Variants in GATAD2B observed in about 807,000 individuals in gnomAD.
GATAD2B encodes the protein transcriptional repressor p66-beta.
A neutral mutation model predicts 64.3 loss-of-function variants in GATAD2B; 8 were observed. That is an observed-to-expected ratio of 0.12 (90% CI 0.07 to 0.22). The LOEUF (loss-of-function observed/expected upper bound fraction) is 0.22, where lower values mean the gene tolerates loss of function less well. GATAD2B is among the 10% of genes least tolerant of loss of function. GATAD2B has a pLI of 1.00. For missense variants in GATAD2B, 453 were observed against 752.0 expected (o/e 0.60, Z 4.65); for synonymous variants, 281 against 271.3 (o/e 1.04, Z -0.35).
chr1:153,885,157 C>T (rs1003435872), intron 1 of GATAD2B, among the ~76,000 whole-genome samples: 2 of 152,056 alleles, frequency 1.3e-5, no homozygotes, highest in Non-Finnish European at 2.9e-5. Flanking sequence ...GGCTCCAAAG[C>T]CCATATGCTT....
chr1:153,899,666 G>T (rs1207497436), intron 1 of GATAD2B, among the ~76,000 whole-genome samples: 1 of 150,678 alleles, frequency 6.6e-6, no homozygotes, highest in Non-Finnish European at 1.5e-5. Flanking sequence ...TGTTTTTTTT[G>T]AAAGGAAATG....
intron 1 of GATAD2B, among the ~76,000 whole-genome samples, chr1:153,902,968 A>G (rs1288040999): frequency 2.6e-5 from 4 of 152,206 alleles, no homozygotes; most frequent in African/African-American, 7.2e-5. Flanking sequence ...CTATAATCCC[A>G]GGACTTGGGG....
At chr1:153,877,803 A>G (rs1676883000) in intron 1 of GATAD2B, among the ~76,000 whole-genome samples, 1 of 151,364 alleles carries the variant, frequency 6.6e-6, no homozygotes, top group Non-Finnish European at 1.5e-5. Flanking sequence ...ACTTGAATCC[A>G]GGAGGCAGAG....
rs1198646280 is a variant in GATAD2B at position 153,852,540 on chromosome 1, CT to C, written c.-1-24193del. The C allele has an allele frequency of 9.1e-6, 7 of 768,178 alleles. No homozygotes were observed. The African/African-American group carries it at 1.2e-4, about 13-fold the overall frequency. The allele number at this position is 768,178 out of a possible 1,614,324, so 47.6% of individuals were successfully genotyped here. On this transcript the variant is annotated intron_variant, in intron 1 of 10. Transcript: ENST00000368655. ...ATCAGTATCATCGTATCCAATATTC[CT>C]TTTCCACTCCACCCATGAGAGCTAG...
chr1:153,859,912 T>C (rs200544633), intron 1 of GATAD2B, among the ~76,000 whole-genome samples: 131 of 62,326 alleles, frequency 2.1e-3, no homozygotes, highest in South Asian at 5.6e-3. Context: ...CTTTTCTTTT[T>C]TTTTTTTTTT....
At chr1:153,840,909 T>A (rs12071117) in intron 1 of GATAD2B, among the ~76,000 whole-genome samples, 23,356 of 151,730 alleles carry the variant, frequency 0.15, 3,349 homozygotes, top group African/African-American at 0.37. Flanking sequence ...GCGGATCATG[T>A]GGTCAGGCGA....
chr1:153,871,275 C>T (rs1212826408), intron 1 of GATAD2B, among the ~76,000 whole-genome samples: 1 of 152,098 alleles, frequency 6.6e-6, no homozygotes, highest in African/African-American at 2.4e-5. Context: ...CTATGTCAGG[C>T]AGGCTGGTCT....
In GATAD2B at chr1:153,844,955, CAT is replaced by C. The variant is rs1321347356; in HGVS notation, c.-1-16609_-1-16608del. ...ACAGGCTTGCAAAGAGGCAAGAAAA[CAT>C]GACCCCTAATGAGAAGAATAATCAA... On this transcript the variant is annotated intron_variant, in intron 1 of 10. Transcript: ENST00000368655. Among the ~76,000 whole-genome samples the C allele has an allele frequency of 2.7e-5, 4 of 148,968 alleles. No homozygotes were observed. In the South Asian group the frequency reaches 6.4e-4, roughly 24 times the overall value.
intron 1 of GATAD2B, among the ~76,000 whole-genome samples, chr1:153,859,157 G>A (rs1676186048): frequency 6.6e-6 from 1 of 152,046 alleles, no homozygotes. Context: ...GAGCTCAAGA[G>A]TCCAAGACCA....
intron 1 of GATAD2B, among the ~76,000 whole-genome samples, chr1:153,878,970 G>C (rs1458141724): frequency 6.6e-6 from 1 of 150,650 alleles, no homozygotes; most frequent in African/African-American, 2.4e-5. Flanking sequence ...AGACAGTCTT[G>C]CTCTGTCGCC....
intron 1 of GATAD2B, among the ~76,000 whole-genome samples, chr1:153,886,803 C>T (rs1055822228): frequency 6.6e-6 from 1 of 151,966 alleles, no homozygotes; most frequent in African/African-American, 2.4e-5. Context: ...TCATGATCCG[C>T]CCACCTCAGC....
At chr1:153,892,163 C>CAAAAAA (rs900308080) in intron 1 of GATAD2B, among the ~76,000 whole-genome samples, 130 of 49,808 alleles carry the variant, frequency 2.6e-3, no homozygotes, top group Middle Eastern at 0.011. Flanking sequence ...GACTCCGTCT[C>CAAAAAA]AAAAAAAAAA....
rs185167474 is a variant in GATAD2B at position 153,827,057 on chromosome 1, G to A, written c.335+956C>T. ...GCTCAGGAATTCGAGACCAGCCTGG[G>A]TAATATGGCAAAAACCTGTTTCTAT... On this transcript the variant is annotated intron_variant, in intron 2 of 10. Transcript: ENST00000368655. Among the ~76,000 whole-genome samples, 344 of 149,476 alleles carry A rather than the reference G, an allele frequency of 2.3e-3. 1 individual carries two copies. The highest frequency in any genetic ancestry group is 8.0e-3 in the African/African-American group (329 of 40,880).
At chr1:153,916,294 GAA>G (rs1408776446) in intron 1 of GATAD2B, among the ~76,000 whole-genome samples, 4 of 144,816 alleles carry the variant, frequency 2.8e-5, no homozygotes, top group Non-Finnish European at 4.6e-5. Flanking sequence ...AAAAAAAAAA[GAA>G]AAAGAGAGTA....
intron 1 of GATAD2B, among the ~76,000 whole-genome samples, chr1:153,856,204 G>A (rs1676077949): frequency 6.6e-6 from 1 of 152,090 alleles, no homozygotes; most frequent in Admixed American, 6.6e-5. Context: ...CACATTTTAA[G>A]GTCAACTGAT....
chr1:153,906,288 G>A (rs1416475195), intron 1 of GATAD2B, among the ~76,000 whole-genome samples: 10 of 151,584 alleles, frequency 6.6e-5, no homozygotes, highest in African/African-American at 1.5e-4. Context: ...GTGTGGTGGC[G>A]TGTGCCTGTA....
chr1:153,813,787 C>G (rs1455188431), intron 7 of GATAD2B, among the ~76,000 whole-genome samples: 1 of 152,056 alleles, frequency 6.6e-6, no homozygotes, highest in East Asian at 1.9e-4. Context: ...AACAGCCTGA[C>G]CAACATAGTG....
Position 153,823,681 on chromosome 1 carries a change from A to G in GATAD2B, c.336-3946T>C, listed in dbSNP as rs547583968. ...TCTTTTTATCACTATCAAAGAAACT[A>G]TGGTTCTCCTTGCTGGGAATCTATC... On this transcript the variant is annotated intron_variant, in intron 2 of 10. Coordinates refer to ENST00000368655, the MANE Select transcript of GATAD2B (RefSeq NM_020699.4). Among the ~76,000 whole-genome samples, 5 of 145,682 alleles carry G rather than the reference A, an allele frequency of 3.4e-5. No individual in the cohort carries two copies. The East Asian group carries it at 8.0e-4, about 23-fold the overall frequency.
intron 1 of GATAD2B, among the ~76,000 whole-genome samples, chr1:153,854,972 G>A (rs915363375): frequency 2.0e-5 from 3 of 152,038 alleles, no homozygotes; most frequent in African/African-American, 7.2e-5. Flanking sequence ...AAAAAGAGGT[G>A]GTGATACAGA....
Sources: allele counts gnomAD v4.1 joint callset (sites outside exome capture counted in the v4.1 genomes callset), GRCh38; gene constraint gnomAD v4.1.1; transcripts MANE v1.5; gene names NCBI Gene and HGNC (gene_info 2026-07-23, HGNC 2026-07-21).